Variants in FGF14 observed in about 807,000 individuals in gnomAD.
FGF14 encodes the protein fibroblast growth factor homologous factor 4.
A neutral mutation model predicts 25.5 loss-of-function variants in FGF14; 5 were observed. The ratio of observed to expected loss-of-function variants is 0.20; its 90% CI spans 0.10 to 0.41. The LOEUF is 0.41. Among genes scored for constraint, FGF14 ranks in the 10% least tolerant of loss-of-function variants. The pLI is 1.00. For missense variants in FGF14, 222 were observed against 320.1 expected (o/e 0.69, Z 2.34); for synonymous variants, 138 against 118.3 (o/e 1.17, Z -1.08).
chr13:102,005,611 G>A (rs55872436), intron 1 of FGF14, among the ~76,000 whole-genome samples: 3,271 of 152,128 alleles, frequency 0.022, 101 homozygotes, highest in African/African-American at 0.072. Flanking sequence ...AAAGTCATCC[G>A]AAAAAGGACA....
At chr13:102,013,133 T>C (rs981157314) in intron 1 of FGF14, among the ~76,000 whole-genome samples, 5 of 151,918 alleles carry the variant, frequency 3.3e-5, no homozygotes, top group Non-Finnish European at 2.9e-5. Flanking sequence ...CCAGCCTGGA[T>C]GACGGAGCAG....
intron 1 of FGF14, among the ~76,000 whole-genome samples, chr13:102,144,131 T>C (rs572085922): frequency 9.8e-5 from 15 of 152,290 alleles, no homozygotes; most frequent in African/African-American, 3.4e-4. Context: ...TCCTCCCACC[T>C]CAGCCTACTG....
chr13:101,929,771 A>T (rs931841934), intron 1 of FGF14, among the ~76,000 whole-genome samples: 4 of 152,270 alleles, frequency 2.6e-5, no homozygotes, highest in Non-Finnish European at 5.9e-5. Context: ...ACACATTCAC[A>T]TAAAATAGAC....
chr13:101,901,910 C>T (rs1489619901), intron 1 of FGF14, among the ~76,000 whole-genome samples: 1 of 152,116 alleles, frequency 6.6e-6, no homozygotes, highest in African/African-American at 2.4e-5. Flanking sequence ...TTAAGCTTTA[C>T]TGAGACATAA....
chr13:101,914,986 G>A (rs2033322844), intron 1 of FGF14, among the ~76,000 whole-genome samples: 2 of 152,152 alleles, frequency 1.3e-5, no homozygotes, highest in African/African-American at 2.4e-5. Flanking sequence ...TAAGGCTCTA[G>A]GCTAATGTGG....
At chr13:101,937,827 C>T (rs1469218092) in intron 1 of FGF14, among the ~76,000 whole-genome samples, 3 of 152,028 alleles carry the variant, frequency 2.0e-5, no homozygotes, top group African/African-American at 4.8e-5. Flanking sequence ...CTCAGTCTAT[C>T]GACCTTGTGA....
intron 3 of FGF14, among the ~76,000 whole-genome samples, chr13:101,763,527 A>G (rs1468407751): frequency 6.6e-6 from 1 of 151,782 alleles, no homozygotes; most frequent in Non-Finnish European, 1.5e-5. Flanking sequence ...GTATTTATGC[A>G]TTTCCTTTTC....
chr13:101,796,715 A>G (rs2040543750), intron 3 of FGF14, among the ~76,000 whole-genome samples: 2 of 152,044 alleles, frequency 1.3e-5, no homozygotes, highest in Admixed American at 1.3e-4. Flanking sequence ...AGTGAAGGAG[A>G]GAGGCCTCAG....
intron 3 of FGF14, among the ~76,000 whole-genome samples, chr13:101,839,210 C>T (rs191898120): frequency 5.3e-4 from 80 of 152,136 alleles, no homozygotes; most frequent in Admixed American, 1.3e-3. Flanking sequence ...TTTTAATATA[C>T]TCTATTCAAA....
At position 102,142,693 on chromosome 13, in the gene FGF14, A is replaced by G. The variant is rs560133851; in HGVS notation, c.208+258778T>C. Among the ~76,000 whole-genome samples the G allele has an allele frequency of 6.6e-5, 10 of 152,316 alleles. No homozygotes were observed. The East Asian group carries it at 1.9e-3, about 29-fold the overall frequency. Reference sequence around the variant, plus strand: ...TGAAAATGCTGTCGCAAATTGGATAAAAGTGATGAGTTGGTAGCTTCCATA... The same window carrying G: ...TGAAAATGCTGTCGCAAATTGGATAGAAGTGATGAGTTGGTAGCTTCCATA... On this transcript the variant is annotated intron_variant, in intron 1 of 4. Coordinates refer to the FGF14 transcript ENST00000376131.
chr13:101,716,102 A>C lies in FGF14; in HGVS notation c.*6729T>G, dbSNP rs1426463813. On this transcript the variant is annotated 3_prime_UTR_variant, in exon 5 of 5. Coordinates refer to ENST00000376143, the MANE Select transcript of FGF14 (RefSeq NM_004115.4). ...GGCTCAAACTGAGAAACATTGAGTTATATGGCTATTAGAAATCCACATTCT... is the reference window on the plus strand; with the variant it reads ...GGCTCAAACTGAGAAACATTGAGTTCTATGGCTATTAGAAATCCACATTCT... The C allele has an allele frequency of 6.5e-6, 1 of 153,268 alleles. No homozygotes were observed. The highest frequency in any genetic ancestry group is 1.5e-5 in the Non-Finnish European group (1 of 68,834). 9.5% of individuals were successfully genotyped at this position (153,268 alleles called of 1,614,324 possible). A position where few individuals can be genotyped will look rare whatever the true frequency, so the allele number is the denominator to read the frequency against.
At chr13:101,991,721 G>GAACACTT (rs1566543142) in intron 1 of FGF14, among the ~76,000 whole-genome samples, 2 of 152,034 alleles carry the variant, frequency 1.3e-5, no homozygotes, top group Non-Finnish European at 2.9e-5. Flanking sequence ...GTATCAGTAG[G>GAACACTT]AACACTTAAG....
At chr13:101,866,693 TTATTTGTACTGAAA>T (rs1222214214) in intron 3 of FGF14, among the ~76,000 whole-genome samples, 1 of 152,224 alleles carries the variant, frequency 6.6e-6, no homozygotes, top group Non-Finnish European at 1.5e-5. Flanking sequence ...TTGCAGATAA[TTATTTGTACTGAAA>T]TATTTGAAGT....
At chr13:102,207,083 CA>C (rs1193640202) in intron 1 of FGF14, among the ~76,000 whole-genome samples, 2 of 151,998 alleles carry the variant, frequency 1.3e-5, no homozygotes, top group Non-Finnish European at 2.9e-5. Flanking sequence ...AGTTTGAGAC[CA>C]GTCTGGCCAA....
chr13:102,105,670 A>G (rs1012892081), intron 1 of FGF14, among the ~76,000 whole-genome samples: 4 of 152,204 alleles, frequency 2.6e-5, no homozygotes, highest in South Asian at 2.1e-4. Flanking sequence ...TGTTATTCCA[A>G]TAGGGCTTAG....
At chr13:102,246,271 G>A (rs867307853) in intron 1 of FGF14, among the ~76,000 whole-genome samples, 12 of 151,988 alleles carry the variant, frequency 7.9e-5, no homozygotes, top group Admixed American at 7.9e-4. Context: ...CAGTATCAAC[G>A]TTGTTACACC....
intron 3 of FGF14, among the ~76,000 whole-genome samples, chr13:101,730,775 A>T (rs1056077732): frequency 6.6e-6 from 1 of 152,208 alleles, no homozygotes; most frequent in Non-Finnish European, 1.5e-5. Context: ...TCTAATGACC[A>T]GGTAGATACA....
chr13:102,292,095 C>CG (rs1264289119), intron 1 of FGF14, among the ~76,000 whole-genome samples: 1 of 151,876 alleles, frequency 6.6e-6, no homozygotes, highest in African/African-American at 2.4e-5. Context: ...GCTGGCTGGC[C>CG]GGAGCCCCCG....
intron 4 of FGF14, chr13:101,723,199 G>A (rs945523197): frequency 7.4e-6 from 4 of 542,852 alleles, no homozygotes; most frequent in Non-Finnish European, 1.3e-5. Context: ...ATATGAGTGT[G>A]CATGGATTTT....
Sources: gnomAD v4.1 joint callset for allele counts (sites outside exome capture counted in the v4.1 genomes callset) on GRCh38, gnomAD v4.1.1 for gene constraint, MANE v1.5 for transcripts, NCBI Gene and HGNC (gene_info 2026-07-23, HGNC 2026-07-21) for gene names.